The following CSGALNACT1 variants were observed in gnomAD, a reference collection of about 807,000 sequenced individuals.
The protein encoded by CSGALNACT1 is chondroitin sulfate N-acetylgalactosaminyltransferase 1.
Under a neutral mutation model 51.0 loss-of-function variants are expected in CSGALNACT1, and 52 were observed. The observed-to-expected ratio is 1.02, with a 90% CI of 0.82 to 1.29. CSGALNACT1 has a LOEUF of 1.29. Ranked by LOEUF, CSGALNACT1 falls within the 50% of genes most tolerant of loss-of-function variation. The pLI is 0.00. For missense variants in CSGALNACT1, 935 were observed against 679.2 expected, an observed-to-expected ratio of 1.38 and a Z score of -4.19; for synonymous variants, 341 against 254.4, an observed-to-expected ratio of 1.34 and a Z score of -3.24.
chr8:19,679,551 G>A (rs892673606), intron 1 of CSGALNACT1, among the ~76,000 whole-genome samples: 3 of 152,130 alleles, frequency 2.0e-5, no homozygotes, highest in African/African-American at 7.2e-5. Flanking sequence ...TACTGACGCA[G>A]GATGCTGACA....
intron 4 of CSGALNACT1, among the ~76,000 whole-genome samples, chr8:19,494,759 C>T (rs142068452): frequency 2.1e-4 from 32 of 152,194 alleles, no homozygotes; most frequent in Non-Finnish European, 4.1e-4. Context: ...CCTATGGAAA[C>T]CTTCAGATGA....
At chr8:19,448,429 A>C (rs1288278229) in intron 5 of CSGALNACT1, among the ~76,000 whole-genome samples, 1 of 152,224 alleles carries the variant, frequency 6.6e-6, no homozygotes, top group African/African-American at 2.4e-5. Flanking sequence ...AAAATTTCTC[A>C]GTCCCAAGCA....
chr8:19,745,669 C>G (rs2064606859), intron 1 of CSGALNACT1, among the ~76,000 whole-genome samples: 1 of 152,150 alleles, frequency 6.6e-6, no homozygotes, highest in South Asian at 2.1e-4. Flanking sequence ...AAAAATACAT[C>G]CCTCTGCCTT....
chr8:19,621,037 C>T (rs548316302), intron 1 of CSGALNACT1, among the ~76,000 whole-genome samples: 3 of 151,994 alleles, frequency 2.0e-5, no homozygotes, highest in Middle Eastern at 3.4e-3. Flanking sequence ...GTCATTTTTA[C>T]GAAAATGAAA....
At chr8:19,458,081 G>T (rs1007785951) in intron 5 of CSGALNACT1, among the ~76,000 whole-genome samples, 2 of 152,248 alleles carry the variant, frequency 1.3e-5, no homozygotes, top group Admixed American at 6.5e-5. Context: ...AAGACTCAAG[G>T]CTGCTCACTT....
intron 1 of CSGALNACT1, among the ~76,000 whole-genome samples, chr8:19,739,271 A>C (rs901674636): frequency 3.3e-5 from 5 of 152,178 alleles, no homozygotes; most frequent in South Asian, 4.2e-4. Flanking sequence ...AGAAAATAGA[A>C]CGTTCAAGTC....
upstream of CSGALNACT1, chr8:19,682,680 G>A (rs1327225965): frequency 3.5e-5 from 16 of 453,970 alleles, no homozygotes; most frequent in Admixed American, 3.5e-4. Context: ...ATTGACACAA[G>A]TCTTGGGTTA....
intron 3 of CSGALNACT1, among the ~76,000 whole-genome samples, chr8:19,556,981 CAAA>C (rs1369093003): frequency 6.6e-5 from 7 of 105,528 alleles, no homozygotes; most frequent in Non-Finnish European, 4.2e-5. Context: ...TCTGCCCAGC[CAAA>C]AAAAAAAAAA....
chr8:19,452,672 G>A (rs111910828), intron 5 of CSGALNACT1, among the ~76,000 whole-genome samples: 162 of 152,226 alleles, frequency 1.1e-3, no homozygotes, highest in African/African-American at 3.8e-3. Flanking sequence ...AGCTGGAGAC[G>A]TGAGTAAGTG....
chr8:19,737,052 A>G (rs115311755), intron 1 of CSGALNACT1, among the ~76,000 whole-genome samples: 1 of 152,172 alleles, frequency 6.6e-6, no homozygotes, highest in Non-Finnish European at 1.5e-5. Context: ...TATCAATTCA[A>G]TTTAAAACTG....
At chr8:19,440,059 G>A (rs530697463) in intron 5 of CSGALNACT1, 128 bp from the exon 5 acceptor site, 2 of 762,300 alleles carry the variant, frequency 2.6e-6, no homozygotes, top group East Asian at 5.3e-5. Context: ...GGAGAGCCGA[G>A]ATGGGAATCC....
chr8:19,619,485 G>A (rs1474735123), intron 1 of CSGALNACT1, among the ~76,000 whole-genome samples: 1 of 152,036 alleles, frequency 6.6e-6, no homozygotes. Context: ...AGTCCATGAT[G>A]TGGCTGGGCT....
chr8:19,492,542 A>C (rs560016085), intron 4 of CSGALNACT1, among the ~76,000 whole-genome samples: 2 of 152,316 alleles, frequency 1.3e-5, no homozygotes, highest in Admixed American at 6.5e-5. Context: ...TGCTGGAGCT[A>C]GCCTGCCAAC....
At chr8:19,647,146 G>C (rs975992850) in intron 1 of CSGALNACT1, among the ~76,000 whole-genome samples, 2 of 152,122 alleles carry the variant, frequency 1.3e-5, no homozygotes, top group African/African-American at 4.8e-5. Context: ...CTTCCTATCA[G>C]GCTGGGAGAG....
At chr8:19,652,205 C>A (rs1271026686) in intron 1 of CSGALNACT1, among the ~76,000 whole-genome samples, 1 of 152,170 alleles carries the variant, frequency 6.6e-6, no homozygotes, top group Non-Finnish European at 1.5e-5. Flanking sequence ...CCTGCCTAGG[C>A]CTCCCAAAGT....
At chr8:19,538,253 C>A (rs947753606) in intron 3 of CSGALNACT1, among the ~76,000 whole-genome samples, 1 of 152,116 alleles carries the variant, frequency 6.6e-6, no homozygotes, top group South Asian at 2.1e-4. Context: ...ATTGCTTGAG[C>A]CTAGGAGTTG....
At chr8:19,441,094 C>T (rs1468454097) in intron 5 of CSGALNACT1, among the ~76,000 whole-genome samples, 2 of 152,212 alleles carry the variant, frequency 1.3e-5, no homozygotes, top group Admixed American at 1.3e-4. Context: ...GAAGAACATT[C>T]CATGCTCATG....
intron 1 of CSGALNACT1, among the ~76,000 whole-genome samples, chr8:19,705,612 C>G (rs1347615172): frequency 1.3e-5 from 2 of 151,986 alleles, no homozygotes; most frequent in Non-Finnish European, 2.9e-5. Flanking sequence ...TGGTGCATGC[C>G]CATAGTCCCA....
At chr8:19,570,063 A>C (rs989369738) in intron 3 of CSGALNACT1, among the ~76,000 whole-genome samples, 3 of 151,908 alleles carry the variant, frequency 2.0e-5, no homozygotes, top group African/African-American at 7.3e-5. Context: ...AGGGGATGTT[A>C]AATGGAAGGG....
Sources: gnomAD v4.1 joint callset for allele counts (sites outside exome capture counted in the v4.1 genomes callset) on GRCh38, gnomAD v4.1.1 for gene constraint, MANE v1.5 for transcripts, NCBI Gene and HGNC (gene_info 2026-07-23, HGNC 2026-07-21) for gene names.